Variants in CNTN5 observed in about 807,000 individuals in gnomAD.
CNTN5 encodes the protein contactin-5.
In CNTN5, 77 loss-of-function variants were observed where a neutral mutation model predicts 129.1. The observed-to-expected ratio is 0.60, with a 90% CI of 0.50 to 0.72. The LOEUF is 0.72. Among genes scored for constraint, CNTN5 ranks in the 30% least tolerant of loss-of-function variants. CNTN5 has a pLI of 0.00. For synonymous variants in CNTN5, 509 were observed against 465.6 expected, an observed-to-expected ratio of 1.09 and a Z score of -1.20; for missense variants, 1,478 against 1,328.8, an observed-to-expected ratio of 1.11 and a Z score of -1.75.
intron 2 of CNTN5, among the ~76,000 whole-genome samples, chr11:99,443,466 G>A (rs1943924923): frequency 6.6e-6 from 1 of 152,148 alleles, no homozygotes; most frequent in Admixed American, 6.5e-5. Flanking sequence ...TTGACAAAAC[G>A]TTGCAATAAG....
chr11:100,337,666 C>A, intron 21 of CNTN5: 1 of 637,284 alleles, frequency 1.6e-6, no homozygotes, highest in Admixed American at 1.8e-5. Flanking sequence ...ACAGCTGGAC[C>A]TAGCTTCACA....
intron 1 of CNTN5, among the ~76,000 whole-genome samples, chr11:99,083,962 A>G (rs1038664657): frequency 6.6e-6 from 1 of 152,152 alleles, no homozygotes; most frequent in Non-Finnish European, 1.5e-5. Flanking sequence ...AGTTTATCAC[A>G]TTACTTAACT....
At chr11:100,158,440 C>T (rs1335877949) in intron 13 of CNTN5, among the ~76,000 whole-genome samples, 1 of 151,794 alleles carries the variant, frequency 6.6e-6, no homozygotes, top group East Asian at 1.9e-4. Context: ...ATCTTGTATA[C>T]ATATATCAAA....
In CNTN5 at chr11:99,972,873, C is replaced by T. The variant is rs185435701; in HGVS notation, c.877+15864C>T. Among the ~76,000 whole-genome samples the T allele has an allele frequency of 4.6e-5, 7 of 152,268 alleles. No homozygotes were observed. The East Asian group carries it at 1.4e-3, about 29-fold the overall frequency. ...TTAGGAATCTGCATTTTCCACAGTA[C>T]TCCCAGATATTTCACATATATTCAG... On this transcript the variant is annotated intron_variant, in intron 8 of 24. Coordinates refer to ENST00000524871, the MANE Select transcript of CNTN5 (RefSeq NM_014361.4).
chr11:99,905,405 C>T (rs137876315), intron 6 of CNTN5, among the ~76,000 whole-genome samples: 103 of 152,212 alleles, frequency 6.8e-4, no homozygotes, highest in African/African-American at 2.4e-3. Context: ...AAATTCTTTC[C>T]CCATGGCTTG....
At chr11:99,632,098 T>C (rs1951378132) in intron 3 of CNTN5, among the ~76,000 whole-genome samples, 1 of 152,064 alleles carries the variant, frequency 6.6e-6, no homozygotes. Context: ...ACTTGGAAGG[T>C]ATACCCTGCG....
At chr11:100,022,491 C>T (rs1009809257) in intron 9 of CNTN5, among the ~76,000 whole-genome samples, 1 of 152,114 alleles carries the variant, frequency 6.6e-6, no homozygotes, top group Non-Finnish European at 1.5e-5. Context: ...AGTATTACTT[C>T]TCCACATATT....
At chr11:99,387,573 A>T in intron 2 of CNTN5, among the ~76,000 whole-genome samples, 1 of 152,278 alleles carries the variant, frequency 6.6e-6, no homozygotes, top group East Asian at 1.9e-4. Context: ...TCAGCTATCA[A>T]CCTGACACCT....
chr11:99,101,686 A>G (rs778306576), intron 1 of CNTN5, among the ~76,000 whole-genome samples: 18 of 152,192 alleles, frequency 1.2e-4, no homozygotes, highest in Non-Finnish European at 1.6e-4. Flanking sequence ...CATGGAAGAG[A>G]TGGGCTCCCA....
chr11:99,892,807 G>T (rs1361434626), intron 6 of CNTN5, among the ~76,000 whole-genome samples: 1 of 152,122 alleles, frequency 6.6e-6, no homozygotes, highest in Non-Finnish European at 1.5e-5. Flanking sequence ...CCTTGGCTAT[G>T]TGGGCTCTTT....
chr11:100,191,294 T>C (rs777039594), intron 14 of CNTN5, 41 bp downstream of exon 14: 3 of 1,559,390 alleles, frequency 1.9e-6, no homozygotes, highest in South Asian at 2.3e-5. Flanking sequence ...CATAGTCTCA[T>C]GGTCTTATCG....
At chr11:99,289,336 G>C (rs1864074597) in intron 1 of CNTN5, among the ~76,000 whole-genome samples, 2 of 151,872 alleles carry the variant, frequency 1.3e-5, no homozygotes, top group South Asian at 2.1e-4. Flanking sequence ...GGCATAGACT[G>C]TTTGGCTAGA....
At chr11:99,780,899 T>C (rs975859190) in intron 3 of CNTN5, among the ~76,000 whole-genome samples, 2 of 151,930 alleles carry the variant, frequency 1.3e-5, no homozygotes, top group Admixed American at 1.3e-4. Context: ...GTAAATCAGG[T>C]GGGCTTAATT....
chr11:99,934,931 TATATATATATATATATAC>T (rs71050035), intron 7 of CNTN5, among the ~76,000 whole-genome samples: 4,713 of 61,072 alleles, frequency 0.077, 123 homozygotes, highest in Non-Finnish European at 0.11. Flanking sequence ...TATATATATA[TATATATATATATATATAC>T]ACACACATAT....
At chr11:100,284,364 T>A (rs1467488456) in intron 18 of CNTN5, among the ~76,000 whole-genome samples, 1 of 152,230 alleles carries the variant, frequency 6.6e-6, no homozygotes, top group South Asian at 2.1e-4. Flanking sequence ...TATATTTTCT[T>A]ACAAGTTTTA....
chr11:100,098,619 C>A (rs536536518), intron 13 of CNTN5, among the ~76,000 whole-genome samples: 1 of 152,152 alleles, frequency 6.6e-6, no homozygotes, highest in South Asian at 2.1e-4. Context: ...TATAAATTAT[C>A]TTTTAGATCT....
intron 13 of CNTN5, among the ~76,000 whole-genome samples, chr11:100,127,570 A>C (rs2138192549): frequency 6.6e-6 from 1 of 151,978 alleles, no homozygotes; most frequent in South Asian, 2.1e-4. Flanking sequence ...GTTTTACCTG[A>C]AATCCTACCT....
chr11:100,325,603 A>G (rs1008410965), intron 21 of CNTN5, among the ~76,000 whole-genome samples: 1 of 152,144 alleles, frequency 6.6e-6, no homozygotes, highest in African/African-American at 2.4e-5. Context: ...CAACAAAACA[A>G]CTTCACTCAT....
intron 2 of CNTN5, among the ~76,000 whole-genome samples, chr11:99,515,969 A>G (rs1376698338): frequency 6.6e-6 from 1 of 151,254 alleles, no homozygotes; most frequent in South Asian, 2.1e-4. Context: ...AAACAAAATC[A>G]TATCTATACA....
Sources: allele counts gnomAD v4.1 joint callset (sites outside exome capture counted in the v4.1 genomes callset), GRCh38; gene constraint gnomAD v4.1.1; transcripts MANE v1.5; gene names NCBI Gene and HGNC (gene_info 2026-07-23, HGNC 2026-07-21).